Variants in ZNF197 observed in about 807,000 individuals in gnomAD.
The protein encoded by ZNF197 is VHL-associated KRAB-A domain-containing protein.
Under a neutral mutation model 27.4 loss-of-function variants are expected in ZNF197, and 14 were observed. The observed-to-expected ratio is 0.51, with a 90% CI of 0.34 to 0.80. The LOEUF (loss-of-function observed/expected upper bound fraction) is 0.80, where lower values mean the gene tolerates loss of function less well. ZNF197 is among the 30% of genes least tolerant of loss of function. The pLI, the probability that ZNF197 is intolerant of heterozygous loss-of-function variation, is 0.02. For missense variants in ZNF197, 1,090 were observed against 1,222.6 expected (o/e 0.89, Z 1.62); for synonymous variants, 415 against 420.0 (o/e 0.99, Z 0.15).
intron 1 of ZNF197, among the ~76,000 whole-genome samples, chr3:44,625,774 A>G (rs908020059): frequency 6.6e-5 from 10 of 151,994 alleles, no homozygotes; most frequent in Admixed American, 6.6e-4. Flanking sequence ...ACACACACAC[A>G]CACACACACA....
In ZNF197 at chr3:44,643,255, C is replaced by T. The variant is rs778832585; in HGVS notation, c.2125C>T (p.Arg709Ter). ...LHNGEKPYEC[R>*]ECGKTFIMSK... ...CAATGGGGAGAAGCCATATGAATGT[C>T]GAGAGTGTGGGAAAACCTTTATTAT... Residue 709 changes from arginine (R) to a stop codon, truncating the protein, a stop_gained, in exon 6 of 6, where the codon CGA becomes TGA. Transcript: ENST00000344387. LOFTEE classifies it low-confidence loss of function (END_TRUNC). The T allele has an allele frequency of 1.2e-5, 19 of 1,613,808 alleles. No individual in the cohort carries two copies. In the East Asian group the frequency reaches 1.8e-4, roughly 15 times the overall value.
At chr3:44,627,166 A>T (rs1167732116) in intron 1 of ZNF197, among the ~76,000 whole-genome samples, 1 of 152,254 alleles carries the variant, frequency 6.6e-6, no homozygotes, top group East Asian at 1.9e-4. Context: ...ACGGAGAAGG[A>T]AACTTTACAC....
At chr3:44,629,631 C>A in intron 2 of ZNF197, 87 bp downstream of exon 2, 1 of 1,440,298 alleles carries the variant, frequency 6.9e-7, no homozygotes, top group Non-Finnish European at 9.2e-7. Context: ...CTGTGATTTT[C>A]ATTAAAAATT....
At chr3:44,632,666 A>C in intron 5 of ZNF197, 67 bp downstream of exon 5, 1 of 1,374,884 alleles carries the variant, frequency 7.3e-7, no homozygotes, top group African/African-American at 1.5e-5. Flanking sequence ...TCTGATTATA[A>C]AAGTAGCATA....
rs1047989042 is a variant in ZNF197, at chr3:44,644,762, G to T, written c.*542G>T. The T allele has an allele frequency of 1.0e-6, 1 of 985,526 alleles. No individual in the cohort carries two copies. The highest frequency in any genetic ancestry group is 1.2e-6 in the Non-Finnish European group (1 of 830,008). The allele number at this position is 985,526 out of a possible 1,614,324, so 61.0% of individuals were successfully genotyped here. A position where few individuals can be genotyped will look rare whatever the true frequency, so the allele number is the denominator to read the frequency against. ...GGGCTGGGTGCAGTGGCTCACTCCT[G>T]TAGTCCCAGGACTTTGGGAGGCCGA... On this transcript the variant is annotated 3_prime_UTR_variant, in exon 6 of 6. Coordinates refer to ENST00000344387, the MANE Select transcript of ZNF197 (RefSeq NM_006991.5).
At chr3:44,632,707 A>G in intron 5 of ZNF197, 108 bp downstream of exon 5, 1 of 1,299,026 alleles carries the variant, frequency 7.7e-7, no homozygotes, top group Non-Finnish European at 1.0e-6. Flanking sequence ...GAATATTACA[A>G]AGAAGAAAAA....
Position 44,644,737 on chromosome 3 carries a change from G to T in ZNF197, c.*517G>T. On this transcript the variant is annotated 3_prime_UTR_variant, in exon 6 of 6. Transcript: ENST00000344387. ...GAGAGCAACAATAAAAAGTAGACAT[G>T]GGCTGGGTGCAGTGGCTCACTCCTG... is the stretch of plus-strand genomic sequence containing the variant. The T allele has an allele frequency of 1.0e-6, 1 of 985,874 alleles. No homozygotes were observed. Among genetic ancestry groups the T allele is most frequent in the Non-Finnish European group, 1.2e-6 (1 of 830,316 alleles). The allele number at this position is 985,874 out of a possible 1,614,324, so 61.1% of individuals were successfully genotyped here. A position where few individuals can be genotyped will look rare whatever the true frequency, so the allele number is the denominator to read the frequency against.
At position 44,645,190 on chromosome 3, in the gene ZNF197, T is replaced by C; in HGVS notation, c.*970T>C. 1.0e-6 allele frequency: 1 copy of C among 978,834 alleles called. No homozygotes were observed. Among genetic ancestry groups the C allele is most frequent in the Non-Finnish European group, 1.2e-6 (1 of 823,950 alleles). The allele number at this position is 978,834 out of a possible 1,614,324, so 60.6% of individuals were successfully genotyped here. On this transcript the variant is annotated 3_prime_UTR_variant, in exon 6 of 6. Transcript: ENST00000344387. ...TGATACCTACCTCACAGGGTTGTTG[T>C]GAGGGTTAAGTGAAAGGATCTTTGT...
At chr3:44,633,669 A>G (rs1251470566) in intron 5 of ZNF197, among the ~76,000 whole-genome samples, 2 of 152,236 alleles carry the variant, frequency 1.3e-5, no homozygotes, top group African/African-American at 2.4e-5. Context: ...TGGTCTGTGT[A>G]TCATGCTTTA....
chr3:44,648,454 A>G lies in ZNF197; in HGVS notation c.*4234A>G, dbSNP rs990127540. 1 of 152,212 alleles carries G rather than the reference A, an allele frequency of 6.6e-6. No individual in the cohort carries two copies. Among genetic ancestry groups the G allele is most frequent in the African/African-American group, 2.4e-5 (1 of 41,450 alleles). 9.4% of individuals were successfully genotyped at this position (152,212 alleles called of 1,614,324 possible). On this transcript the variant is annotated 3_prime_UTR_variant, in exon 6 of 6. Transcript: ENST00000344387. ...TGTACTCTGATATTTTCAAAATAAAACATTTGAGGGGAAATTATCAGGGCT... is the reference window on the plus strand; with the variant it reads ...TGTACTCTGATATTTTCAAAATAAAGCATTTGAGGGGAAATTATCAGGGCT...
At chr3:44,636,310 A>T (rs1702284901) in intron 5 of ZNF197, among the ~76,000 whole-genome samples, 5 of 151,936 alleles carry the variant, frequency 3.3e-5, no homozygotes, top group Admixed American at 2.6e-4. Flanking sequence ...GTCTCAAAAA[A>T]AAAAAAAAAA....
At position 44,646,124 on chromosome 3, in the gene ZNF197, A is replaced by C; in HGVS notation, c.*1904A>C. 1.0e-6 allele frequency: 1 copy of C among 985,426 alleles called. No homozygotes were observed. The highest frequency in any genetic ancestry group is 1.2e-6 in the Non-Finnish European group (1 of 829,926). The allele number at this position is 985,426 out of a possible 1,614,324, so 61.0% of individuals were successfully genotyped here. A position where few individuals can be genotyped will look rare whatever the true frequency, so the allele number is the denominator to read the frequency against. On this transcript the variant is annotated 3_prime_UTR_variant, in exon 6 of 6. Transcript: ENST00000344387. The stretch of plus-strand genomic sequence containing the variant: ...AAACTGGAAGGGGCCTAAGGCTTAA[A>C]GTCTTAAGACCTGGATGTGGTTCAG...
chr3:44,625,828 CTT>C (rs1013481997), intron 1 of ZNF197, among the ~76,000 whole-genome samples: 5 of 151,898 alleles, frequency 3.3e-5, no homozygotes, highest in Admixed American at 2.0e-4. Flanking sequence ...CTGGTTTTCT[CTT>C]TTTGCAGCTT....
At position 44,644,577 on chromosome 3, in the gene ZNF197, T is replaced by G. The variant is rs1702844491; in HGVS notation, c.*357T>G. The stretch of plus-strand genomic sequence containing the variant: ...CGCTTGAACCTGGGAGGGCGGAGGT[T>G]GCAGTGAGCCAGGATCGCGCCATTG... On this transcript the variant is annotated 3_prime_UTR_variant, in exon 6 of 6. Coordinates refer to ENST00000344387, the MANE Select transcript of ZNF197 (RefSeq NM_006991.5). 1 of 969,274 alleles carries G rather than the reference T, an allele frequency of 1.0e-6. No individual in the cohort carries two copies. The highest frequency in any genetic ancestry group is 4.6e-5 in the South Asian group (1 of 21,646). 60.0% of individuals were successfully genotyped at this position (969,274 alleles called of 1,614,324 possible).
chr3:44,629,930 A>G (rs1266840679), intron 2 of ZNF197, among the ~76,000 whole-genome samples: 1 of 152,240 alleles, frequency 6.6e-6, no homozygotes, highest in African/African-American at 2.4e-5. Context: ...TAGAGTATAA[A>G]AGGCAATAGC....
chr3:44,639,844 G>T (rs1476813183), intron 5 of ZNF197, among the ~76,000 whole-genome samples: 2 of 151,828 alleles, frequency 1.3e-5, no homozygotes, highest in Admixed American at 6.6e-5. Flanking sequence ...AGAGTCTAGG[G>T]GCATAAGAGA....
chr3:44,625,748 G>GCACA (rs1331845254), intron 1 of ZNF197, among the ~76,000 whole-genome samples: 2 of 90,826 alleles, frequency 2.2e-5, no homozygotes, highest in African/African-American at 8.6e-5. Flanking sequence ...GCGCGCGCGC[G>GCACA]CGCACACACA....
intron 5 of ZNF197, among the ~76,000 whole-genome samples, chr3:44,636,611 T>TTA (rs1258369811): frequency 6.6e-6 from 1 of 152,236 alleles, no homozygotes; most frequent in Non-Finnish European, 1.5e-5. Context: ...TATCTCCCAT[T>TTA]TATCAGTTGA....
Position 44,644,288 on chromosome 3 carries a change from C to A in ZNF197, c.*68C>A. 2 of 1,510,618 alleles carry A rather than the reference C, an allele frequency of 1.3e-6. No homozygotes were observed. Among genetic ancestry groups the A allele is most frequent in the East Asian group, 2.3e-5 (1 of 43,460 alleles). The allele number at this position is 1,510,618 out of a possible 1,614,324, so 93.6% of individuals were successfully genotyped here. Reference sequence around the variant, plus strand: ...ACTGTTGGACAAATGATATATATTTCTTCTAAGGAAAAAGTTTATTATTTA... The same window carrying A: ...ACTGTTGGACAAATGATATATATTTATTCTAAGGAAAAAGTTTATTATTTA... On this transcript the variant is annotated 3_prime_UTR_variant, in exon 6 of 6. Transcript: ENST00000344387.
Sources: allele counts gnomAD v4.1 joint callset (sites outside exome capture counted in the v4.1 genomes callset), GRCh38; gene constraint gnomAD v4.1.1; transcripts MANE v1.5; gene names NCBI Gene and HGNC (gene_info 2026-07-23, HGNC 2026-07-21).